GALNTL6: variants seen among roughly 807,000 people sequenced by gnomAD.
GALNTL6 encodes the protein polypeptide N-acetylgalactosaminyltransferase-like 6.
Under a neutral mutation model 73.7 loss-of-function variants are expected in GALNTL6, and 46 were observed. The observed-to-expected ratio is 0.62, with a 90% CI of 0.49 to 0.80. The LOEUF is 0.80. Ranked by LOEUF, GALNTL6 falls within the 30% of genes least tolerant of loss-of-function variation. GALNTL6 has a pLI of 0.00. For synonymous variants in GALNTL6, 259 were observed against 263.7 expected (o/e 0.98, Z 0.17); for missense variants, 604 against 755.0 (o/e 0.80, Z 2.34).
At chr4:173,035,488 A>T (rs1182443035) in intron 12 of GALNTL6, among the ~76,000 whole-genome samples, 1 of 152,012 alleles carries the variant, frequency 6.6e-6, no homozygotes, top group Admixed American at 6.5e-5. Context: ...TACTACAAAC[A>T]TTTCTTGTTT....
At chr4:172,042,864 T>TAAAAAAAAAAAA (rs397996272) in intron 2 of GALNTL6, among the ~76,000 whole-genome samples, 1 of 44,402 alleles carries the variant, frequency 2.3e-5, no homozygotes. Flanking sequence ...TCTTTAACAG[T>TAAAAAAAAAAAA]AAAAAAAAAA....
intron 8 of GALNTL6, among the ~76,000 whole-genome samples, chr4:172,929,568 G>C (rs1748223230): frequency 6.6e-6 from 1 of 152,110 alleles, no homozygotes; most frequent in African/African-American, 2.4e-5. Context: ...ATTCCTTCTT[G>C]CTCAGTAGAG....
intron 5 of GALNTL6, among the ~76,000 whole-genome samples, chr4:172,783,836 A>G (rs1739506945): frequency 6.6e-6 from 1 of 152,124 alleles, no homozygotes; most frequent in African/African-American, 2.4e-5. Context: ...ATTATATTTT[A>G]GTAGCCCTAA....
intron 2 of GALNTL6, among the ~76,000 whole-genome samples, chr4:172,037,501 AT>A (rs1366878882): frequency 6.6e-6 from 1 of 152,152 alleles, no homozygotes; most frequent in African/African-American, 2.4e-5. Context: ...ACCTGCTCAC[AT>A]AAAAACACTA....
intron 2 of GALNTL6, among the ~76,000 whole-genome samples, chr4:172,160,022 T>G (rs1734402364): frequency 6.6e-6 from 1 of 152,046 alleles, no homozygotes; most frequent in African/African-American, 2.4e-5. Flanking sequence ...AGCAGCTGGA[T>G]GAGTAAAGAT....
In GALNTL6 at chr4:172,766,400, G is replaced by C. The variant is rs1738408481; in HGVS notation, c.554-42961G>C. ...GTTGCAAAAAGTCTTTTTCCCTTTT[G>C]TGGCTCCTTGAAAAAGTCTATGCTT... On this transcript the variant is annotated intron_variant, in intron 5 of 12. Coordinates refer to ENST00000506823, the MANE Select transcript of GALNTL6 (RefSeq NM_001034845.3). Among the ~76,000 whole-genome samples, 3 of 151,974 alleles carry C rather than the reference G, an allele frequency of 2.0e-5. No homozygotes were observed. The South Asian group carries it at 6.2e-4, about 32-fold the overall frequency.
chr4:172,986,321 A>T (rs1751288483), intron 10 of GALNTL6, among the ~76,000 whole-genome samples: 1 of 152,232 alleles, frequency 6.6e-6, no homozygotes, highest in East Asian at 1.9e-4. Context: ...CATGACAATG[A>T]TGTTAGTACT....
chr4:172,807,738 C>T (rs1402971943), intron 5 of GALNTL6, among the ~76,000 whole-genome samples: 1 of 152,208 alleles, frequency 6.6e-6, no homozygotes, highest in Non-Finnish European at 1.5e-5. Flanking sequence ...ATCCTTGTTA[C>T]TTACATGAAG....
chr4:171,959,786 G>A (rs1297648838), intron 2 of GALNTL6, among the ~76,000 whole-genome samples: 1 of 152,166 alleles, frequency 6.6e-6, no homozygotes, highest in African/African-American at 2.4e-5. Context: ...TCTACGTGAT[G>A]ATACCAGCAT....
intron 2 of GALNTL6, among the ~76,000 whole-genome samples, chr4:172,001,050 G>A (rs1001147602): frequency 6.6e-6 from 1 of 152,092 alleles, no homozygotes; most frequent in Non-Finnish European, 1.5e-5. Flanking sequence ...CAATAGCAGT[G>A]GTGAGAATAG....
intron 5 of GALNTL6, among the ~76,000 whole-genome samples, chr4:172,562,864 A>G (rs1008861313): frequency 6.6e-6 from 1 of 152,234 alleles, no homozygotes; most frequent in Non-Finnish European, 1.5e-5. Flanking sequence ...GGATAAAAAT[A>G]GAGAACTGGG....
At chr4:171,937,391 G>A (rs1195186634) in intron 2 of GALNTL6, among the ~76,000 whole-genome samples, 1 of 152,002 alleles carries the variant, frequency 6.6e-6, no homozygotes, top group Non-Finnish European at 1.5e-5. Flanking sequence ...TAGATAAAAA[G>A]TTATTCCAAA....
chr4:172,903,257 T>C (rs1746719255), intron 8 of GALNTL6, among the ~76,000 whole-genome samples: 1 of 152,116 alleles, frequency 6.6e-6, no homozygotes, highest in Non-Finnish European at 1.5e-5. Context: ...TTCCTCTCCT[T>C]CCTAAAAAAA....
At chr4:172,087,444 C>CAAAAAAAAAAA (rs70941381) in intron 2 of GALNTL6, among the ~76,000 whole-genome samples, 2 of 100,532 alleles carry the variant, frequency 2.0e-5, no homozygotes, top group Non-Finnish European at 2.0e-5. Context: ...GACTCCATCC[C>CAAAAAAAAAAA]AAAAAAAAAA....
intron 5 of GALNTL6, among the ~76,000 whole-genome samples, chr4:172,440,191 G>C (rs189719615): frequency 1.4e-4 from 21 of 152,186 alleles, no homozygotes; most frequent in Admixed American, 3.3e-4. Flanking sequence ...ATTTGCAGCT[G>C]TGATAGCAGC....
At chr4:172,425,386 A>G (rs1201143613) in intron 5 of GALNTL6, 2 of 152,110 alleles carry the variant, frequency 1.3e-5, no homozygotes, top group African/African-American at 4.8e-5. Flanking sequence ...GCATGTGCAT[A>G]TGTGTACTAT....
At chr4:172,642,959 A>G (rs568777721) in intron 5 of GALNTL6, among the ~76,000 whole-genome samples, 1 of 152,064 alleles carries the variant, frequency 6.6e-6, no homozygotes, top group Non-Finnish European at 1.5e-5. Flanking sequence ...AGGTTAAATT[A>G]TATAATTTCT....
intron 11 of GALNTL6, among the ~76,000 whole-genome samples, chr4:173,012,006 C>A (rs532218395): frequency 2.7e-4 from 41 of 152,186 alleles, no homozygotes; most frequent in Admixed American, 2.6e-4. Context: ...TGGGCTCAAG[C>A]GATCCTCTTG....
At chr4:172,118,970 C>CT (rs34157567) in intron 2 of GALNTL6, among the ~76,000 whole-genome samples, 187 of 144,898 alleles carry the variant, frequency 1.3e-3, no homozygotes, top group Middle Eastern at 0.011. Context: ...TAGATAAAGC[C>CT]TTTTTTTTTT....
Sources: gnomAD v4.1 joint callset for allele counts (sites outside exome capture counted in the v4.1 genomes callset) on GRCh38, gnomAD v4.1.1 for gene constraint, MANE v1.5 for transcripts, NCBI Gene and HGNC (gene_info 2026-07-23, HGNC 2026-07-21) for gene names.